Variants in SCUBE1 observed in about 807,000 individuals in gnomAD.
The protein encoded by SCUBE1 is signal peptide, CUB domain and EGF like domain containing 1.
Under a neutral mutation model 124.4 loss-of-function variants are expected in SCUBE1, and 59 were observed. That is an observed-to-expected ratio of 0.47 (90% CI 0.38 to 0.59). SCUBE1 has a LOEUF of 0.59. Among genes scored for constraint, SCUBE1 ranks in the 20% least tolerant of loss-of-function variants. The pLI is 0.00. For missense variants in SCUBE1, 1,150 were observed against 1,371.2 expected (o/e 0.84, Z 2.55); for synonymous variants, 545 against 550.9 (o/e 0.99, Z 0.15).
At position 43,343,270 on chromosome 22, in the gene SCUBE1, C is replaced by T. The variant is rs1161386551; in HGVS notation, c.-9G>A. On this transcript the variant is annotated 5_prime_UTR_variant, in exon 1 of 22. Coordinates refer to ENST00000360835, the MANE Select transcript of SCUBE1 (RefSeq NM_173050.5). ...ACGGCCGCCGCGCCCATGCTCAATG[C>T]GGGCCCCGCTGGGCGTGCGGGCGTG... 2.7e-6 allele frequency: 3 copies of T among 1,123,198 alleles called. No homozygotes were observed. The highest frequency in any genetic ancestry group is 3.3e-6 in the Non-Finnish European group (3 of 921,056). The allele number at this position is 1,123,198 out of a possible 1,614,324, so 69.6% of individuals were successfully genotyped here.
intron 4 of SCUBE1, among the ~76,000 whole-genome samples, chr22:43,265,769 A>G (rs1403536572): frequency 6.6e-6 from 1 of 152,208 alleles, no homozygotes; most frequent in African/African-American, 2.4e-5. Flanking sequence ...AGAAATTTAC[A>G]TTTACTTATT....
chr22:43,212,779 G>C, intron 16 of SCUBE1, 187 bp from the exon 17 acceptor site: 1 of 613,956 alleles, frequency 1.6e-6, no homozygotes, highest in Non-Finnish European at 2.8e-6. Flanking sequence ...GCCCTGGTCC[G>C]GATGATGCCA....
Position 43,255,374 on chromosome 22 carries a change from C to T in SCUBE1, c.727+2845G>A. The T allele has an allele frequency of 4.4e-6, 4 of 916,524 alleles. No individual in the cohort carries two copies. The highest frequency in any genetic ancestry group is 2.6e-5 in the East Asian group (1 of 38,006). The allele number at this position is 916,524 out of a possible 1,614,324, so 56.8% of individuals were successfully genotyped here. A position where few individuals can be genotyped will look rare whatever the true frequency, so the allele number is the denominator to read the frequency against. On this transcript the variant is annotated intron_variant, in intron 6 of 21. Transcript: ENST00000360835. The surrounding 1 kb of genome is among the most constrained non-coding windows in gnomAD (Gnocchi z 4.7). ...ATGCCCCCACACGCACACGTCACAC[C>T]CACACACAGCACACACACGCCCATG... is the stretch of plus-strand genomic sequence containing the variant.
intron 4 of SCUBE1, among the ~76,000 whole-genome samples, chr22:43,280,217 C>T (rs1284802242): frequency 6.6e-6 from 1 of 152,086 alleles, no homozygotes; most frequent in Non-Finnish European, 1.5e-5. Flanking sequence ...CCCAGACCTC[C>T]AGCGTTCTGC....
chr22:43,259,309 G>T (rs1226840598), intron 5 of SCUBE1, among the ~76,000 whole-genome samples: 1 of 152,158 alleles, frequency 6.6e-6, no homozygotes, highest in East Asian at 1.9e-4. Context: ...TATGGGGCGT[G>T]TTCTTGGATA....
chr22:43,248,928 C>T (rs553814385), intron 6 of SCUBE1, among the ~76,000 whole-genome samples: 106 of 152,352 alleles, frequency 7.0e-4, no homozygotes, highest in African/African-American at 2.5e-3. Flanking sequence ...ACTAGCCTCA[C>T]CCATGCTCCC....
chr22:43,208,249 G>A, intron 19 of SCUBE1, 25 bp from the exon 20 acceptor site: 1 of 1,612,978 alleles, frequency 6.2e-7, no homozygotes, highest in Non-Finnish European at 8.5e-7. Flanking sequence ...TCATTGCTGA[G>A]CTGCCACAGG....
At chr22:43,339,626 CTTACTCTATCCCCCCACAAGCA>C in intron 1 of SCUBE1, among the ~76,000 whole-genome samples, 1 of 139,236 alleles carries the variant, frequency 7.2e-6, no homozygotes, top group Non-Finnish European at 1.5e-5. Context: ...CCCTACTCTC[CTTACTCTATCCCCCCACAAGCA>C]TCACTCCAGC....
intron 3 of SCUBE1, among the ~76,000 whole-genome samples, chr22:43,314,407 G>C (rs946160774): frequency 1.3e-5 from 2 of 152,144 alleles, no homozygotes; most frequent in Admixed American, 6.5e-5. Context: ...AGTGAGATGT[G>C]AGCGAGAGTG....
chr22:43,324,513 C>T (rs1345753321), intron 2 of SCUBE1, among the ~76,000 whole-genome samples: 3 of 152,168 alleles, frequency 2.0e-5, no homozygotes, highest in Non-Finnish European at 1.5e-5. Flanking sequence ...CCAAACCTTC[C>T]CTGATTTTCC....
chr22:43,320,604 G>C (rs1431581459), intron 2 of SCUBE1, among the ~76,000 whole-genome samples: 1 of 152,204 alleles, frequency 6.6e-6, no homozygotes, highest in African/African-American at 2.4e-5. Flanking sequence ...TGGAGTTCCA[G>C]AGAGATTTGA....
intron 5 of SCUBE1, among the ~76,000 whole-genome samples, chr22:43,259,221 G>A (rs1229113019): frequency 6.6e-6 from 1 of 152,214 alleles, no homozygotes; most frequent in Non-Finnish European, 1.5e-5. Context: ...CCCAGGGGGT[G>A]CAGGGCCCCT....
intron 6 of SCUBE1, among the ~76,000 whole-genome samples, chr22:43,253,183 G>A (rs1162876291): frequency 5.3e-5 from 8 of 152,186 alleles, no homozygotes; most frequent in Admixed American, 3.3e-4. Flanking sequence ...ATACAACGTG[G>A]GGGGCACCAC....
At chr22:43,313,523 T>C (rs1926241168) in intron 3 of SCUBE1, among the ~76,000 whole-genome samples, 1 of 152,246 alleles carries the variant, frequency 6.6e-6, no homozygotes, top group South Asian at 2.1e-4. Context: ...AGCCTAAATA[T>C]TGCTCTGCTG....
chr22:43,230,347 C>T (rs1922501118), intron 8 of SCUBE1, among the ~76,000 whole-genome samples: 1 of 152,058 alleles, frequency 6.6e-6, no homozygotes. Context: ...TCTGGGGTCC[C>T]CTGAGTGCCA....
At chr22:43,274,111 C>T (rs770674950) in intron 4 of SCUBE1, among the ~76,000 whole-genome samples, 1 of 152,122 alleles carries the variant, frequency 6.6e-6, no homozygotes, top group Non-Finnish European at 1.5e-5. Context: ...TCTGCCCCCA[C>T]GGACCTGAGG....
At chr22:43,245,803 T>C (rs80114967) in intron 6 of SCUBE1, among the ~76,000 whole-genome samples, 1,644 of 152,326 alleles carry the variant, frequency 0.011, 28 homozygotes, top group African/African-American at 0.037. Flanking sequence ...ACCGTGCTGC[T>C]TGGGGAACAA....
At position 43,290,055 on chromosome 22, in the gene SCUBE1, C is replaced by T. The variant is rs572406963; in HGVS notation, c.484+991G>A. 5.3e-5 allele frequency among the ~76,000 whole-genome samples: 8 copies of T among 152,328 alleles called. No individual in the cohort carries two copies. The East Asian group carries it at 9.7e-4, about 18-fold the overall frequency. On this transcript the variant is annotated intron_variant, in intron 4 of 21. Coordinates refer to ENST00000360835, the MANE Select transcript of SCUBE1 (RefSeq NM_173050.5). ...TTCTTCCTTACATTTATTCCCTTGA[C>T]AGCTCACGACAGCCAGGCCCTGGGA... is the stretch of plus-strand genomic sequence containing the variant.
chr22:43,320,962 G>C (rs916452454), intron 2 of SCUBE1, among the ~76,000 whole-genome samples: 8 of 152,224 alleles, frequency 5.3e-5, no homozygotes, highest in Non-Finnish European at 1.2e-4. Context: ...GGTGGTGCCG[G>C]CTCTTCTGCA....
Sources: gnomAD v4.1 joint callset for allele counts (sites outside exome capture counted in the v4.1 genomes callset) on GRCh38, gnomAD v4.1.1 for gene constraint, Gnocchi (gnomAD v3.1) non-coding constraint, MANE v1.5 for transcripts, NCBI Gene and HGNC (gene_info 2026-07-23, HGNC 2026-07-21) for gene names.